Variants in SESTD1 observed in about 807,000 individuals in gnomAD.
SESTD1 encodes SEC14 domain and spectrin repeat-containing protein 1.
Under a neutral mutation model 101.7 loss-of-function variants are expected in SESTD1, and 43 were observed. The observed-to-expected ratio is 0.42, with a 90% confidence interval of 0.33 to 0.55. The LOEUF (loss-of-function observed/expected upper bound fraction) is 0.55, where lower values mean the gene tolerates loss of function less well. Among genes scored for constraint, SESTD1 ranks in the 20% least tolerant of loss-of-function variants. SESTD1 has a pLI of 0.07. For missense variants in SESTD1, 647 were observed against 815.1 expected (o/e 0.79, Z 2.51); for synonymous variants, 283 against 286.8 (o/e 0.99, Z 0.13).
At chr2:179,137,143 TC>T (rs2045164319) in intron 9 of SESTD1, among the ~76,000 whole-genome samples, 2 of 152,110 alleles carry the variant, frequency 1.3e-5, no homozygotes, top group Admixed American at 1.3e-4. Flanking sequence ...AACAGTTCTA[TC>T]CCCAATCCAT....
chr2:179,111,322 C>CAAAT (rs2044501441), intron 17 of SESTD1, among the ~76,000 whole-genome samples: 1 of 152,126 alleles, frequency 6.6e-6, no homozygotes, highest in Non-Finnish European at 1.5e-5. Flanking sequence ...ATATCAATCC[C>CAAAT]AAATAATCAC....
chr2:179,185,820 A>G (rs1485536233), intron 2 of SESTD1, among the ~76,000 whole-genome samples: 4 of 131,578 alleles, frequency 3.0e-5, no homozygotes, highest in Non-Finnish European at 6.1e-5. Context: ...ACAATATAGT[A>G]TATTATATAT....
At chr2:179,115,934 T>C (rs1008977171) in intron 15 of SESTD1, among the ~76,000 whole-genome samples, 2 of 152,160 alleles carry the variant, frequency 1.3e-5, no homozygotes, top group East Asian at 1.9e-4. Context: ...ATATTCCATA[T>C]AGGAAACTAC....
At chr2:179,194,411 C>T (rs2046360633) in intron 1 of SESTD1, among the ~76,000 whole-genome samples, 1 of 152,110 alleles carries the variant, frequency 6.6e-6, no homozygotes, top group Non-Finnish European at 1.5e-5. Flanking sequence ...AAAAACTAAG[C>T]TTTGGCTCTT....
Position 179,127,218 on chromosome 2 carries a change from T to A in SESTD1, c.973-2660A>T, listed in dbSNP as rs75064448. Among the ~76,000 whole-genome samples the A allele has an allele frequency of 4.6e-3, 701 of 152,290 alleles. 1 individual carries two copies. The highest frequency in any genetic ancestry group is 0.016 in the African/African-American group (674 of 41,554). On this transcript the variant is annotated intron_variant, in intron 10 of 17. Transcript: ENST00000428443. ...CCTCAATCATCTTCCTGTGCTGGGG[T>A]GTTTCTACTGCTGTGTCCTCTATCT...
At chr2:179,195,516 GA>G (rs1464354756) in intron 1 of SESTD1, among the ~76,000 whole-genome samples, 2 of 152,150 alleles carry the variant, frequency 1.3e-5, no homozygotes, top group African/African-American at 2.4e-5. Context: ...AGACTAAATA[GA>G]AACTTCAACT....
rs2044399438 is a variant in SESTD1 at position 179,107,020 on chromosome 2, T to C, written c.*2879A>G. On this transcript the variant is annotated 3_prime_UTR_variant, in exon 18 of 18. Transcript: ENST00000428443. ...ACTAACCCTGCCAGCGTTTCAATAA[T>C]TCCCTGAGATGGGCTAAAGGAATGT... The C allele has an allele frequency of 1.3e-5, 2 of 152,098 alleles. No individual in the cohort carries two copies. The highest frequency in any genetic ancestry group is 6.6e-5 in the Admixed American group (1 of 15,264). 9.4% of individuals were successfully genotyped at this position (152,098 alleles called of 1,614,324 possible).
intron 1 of SESTD1, among the ~76,000 whole-genome samples, chr2:179,244,386 G>A (rs1161385402): frequency 1.3e-5 from 2 of 150,612 alleles, no homozygotes; most frequent in African/African-American, 2.4e-5. Flanking sequence ...TTGAACCCAA[G>A]AGGTGGAGGC....
chr2:179,261,423 A>G (rs1352958250), intron 1 of SESTD1, among the ~76,000 whole-genome samples: 1 of 152,220 alleles, frequency 6.6e-6, no homozygotes, highest in Admixed American at 6.5e-5. Context: ...TGTAAGGTTA[A>G]AAAAACAAGC....
rs774451894 is a variant in SESTD1, at chr2:179,121,947, A to G, written c.1283-18T>C. The G allele has an allele frequency of 1.7e-5, 27 of 1,589,004 alleles. No individual in the cohort carries two copies. Among genetic ancestry groups the G allele is most frequent in the Non-Finnish European group, 2.3e-5 (27 of 1,171,368 alleles). The stretch of plus-strand genomic sequence containing the variant: ...TCCCACATCTAAAACAAAAGTTACT[A>G]GATTTAATCTCTTACACAACTAAGG... On this transcript the variant is annotated intron_variant, in intron 12 of 17. Coordinates refer to ENST00000428443, the MANE Select transcript of SESTD1 (RefSeq NM_178123.5).
At position 179,200,987 on chromosome 2, in the gene SESTD1, C is replaced by A. The variant is rs868036598; in HGVS notation, c.-25-9121G>T. ...AACTACCATCAGAGTGAACAGGCAA[C>A]CTACAGAATGGGAGAAAATTTTCGC... On this transcript the variant is annotated intron_variant, in intron 1 of 17. Transcript: ENST00000428443. Among the ~76,000 whole-genome samples the A allele has an allele frequency of 2.2e-5, 3 of 133,916 alleles. 1 individual carries two copies. The highest frequency in any genetic ancestry group is 8.9e-5 in the African/African-American group (3 of 33,550). The allele number at this position is 133,916 out of a possible 152,430, so 87.9% of individuals were successfully genotyped here. A position where few individuals can be genotyped will look rare whatever the true frequency, so the allele number is the denominator to read the frequency against.
chr2:179,132,208 C>T (rs947568746), intron 10 of SESTD1, 96 bp downstream of exon 10: 2 of 1,390,214 alleles, frequency 1.4e-6, no homozygotes, highest in Admixed American at 3.0e-5. Flanking sequence ...TGCCCCATAC[C>T]AAAGTTTGCA....
intron 1 of SESTD1, among the ~76,000 whole-genome samples, chr2:179,257,431 C>G (rs371249180): frequency 3.3e-4 from 50 of 152,298 alleles, no homozygotes; most frequent in African/African-American, 1.2e-3. Flanking sequence ...AGACATAATT[C>G]TATCACACAT....
At chr2:179,170,770 T>G (rs1266745703) in intron 5 of SESTD1, among the ~76,000 whole-genome samples, 1 of 152,180 alleles carries the variant, frequency 6.6e-6, no homozygotes, top group Non-Finnish European at 1.5e-5. Flanking sequence ...GGCTGGAGAC[T>G]GAGTTAGTTA....
chr2:179,110,025 G>A lies in SESTD1; in HGVS notation c.1965C>T (p.Thr655=), dbSNP rs146885696. ...LTVPVVYPDG[T]EQYFGSPSDM... ...CACTTGGACTCCCAAAATATTGTTC[G>A]GTTCTAAAAATCAAAACACACAGAA... Residue 655 remains threonine, a synonymous_variant, in exon 18 of 18, where the codon ACC becomes ACT. Coordinates refer to ENST00000428443, the MANE Select transcript of SESTD1 (RefSeq NM_178123.5). 356 of 1,611,988 alleles carry A rather than the reference G, an allele frequency of 2.2e-4. No individual in the cohort carries two copies. The highest frequency in any genetic ancestry group is 2.9e-4 in the Non-Finnish European group (339 of 1,179,008).
intron 4 of SESTD1, 37 bp from the exon 5 acceptor site, chr2:179,172,270 G>A (rs994512979): frequency 5.3e-6 from 7 of 1,326,618 alleles, no homozygotes; most frequent in South Asian, 1.3e-5. Flanking sequence ...AATTACACAT[G>A]TAAAATGAAT....
intron 3 of SESTD1, among the ~76,000 whole-genome samples, chr2:179,178,147 T>TA (rs916034447): frequency 6.6e-6 from 1 of 152,218 alleles, no homozygotes; most frequent in African/African-American, 2.4e-5. Flanking sequence ...GTGAATATAC[T>TA]AAAAATCACC....
intron 6 of SESTD1, among the ~76,000 whole-genome samples, chr2:179,150,906 T>G (rs2045511971): frequency 6.6e-6 from 1 of 152,200 alleles, no homozygotes; most frequent in South Asian, 2.1e-4. Flanking sequence ...AGAACAGTAA[T>G]AGCTAAAACT....
chr2:179,181,285 G>T (rs75186098), intron 3 of SESTD1, among the ~76,000 whole-genome samples: 1 of 152,268 alleles, frequency 6.6e-6, no homozygotes, highest in African/African-American at 2.4e-5. Context: ...TCGGACAGGT[G>T]AGCATCCTGT....
Sources: allele counts gnomAD v4.1 joint callset (sites outside exome capture counted in the v4.1 genomes callset), GRCh38; gene constraint gnomAD v4.1.1; transcripts MANE v1.5; gene names NCBI Gene and HGNC (gene_info 2026-07-23, HGNC 2026-07-21).